TPTE: variants seen among roughly 807,000 people sequenced by gnomAD.
The protein encoded by TPTE is transmembrane phosphatase with tensin homology.
Under a neutral mutation model 84.1 loss-of-function variants are expected in TPTE, and 59 were observed. That is an observed-to-expected ratio of 0.70 (90% confidence interval 0.57 to 0.87). The LOEUF (loss-of-function observed/expected upper bound fraction) is 0.87, where lower values mean the gene tolerates loss of function less well. Ranked by LOEUF, TPTE falls within the 40% of genes least tolerant of loss-of-function variation. The probability of loss-of-function intolerance (pLI) is 0.00; values close to 1 mark genes in which losing one functional copy is unlikely to be tolerated. For synonymous variants in TPTE, 130 were observed against 223.5 expected (o/e 0.58, Z 3.73); for missense variants, 382 against 659.6 (o/e 0.58, Z 4.61).
chr21:10,557,631 C>G (rs1373151221), intron 8 of TPTE, among the ~76,000 whole-genome samples: 1 of 152,308 alleles, frequency 6.6e-6, no homozygotes, highest in African/African-American at 2.4e-5. Flanking sequence ...CCTTAACTCT[C>G]CAAGCCTGGG....
intron 10 of TPTE, among the ~76,000 whole-genome samples, chr21:10,564,194 C>T (rs2074867505): frequency 6.6e-6 from 1 of 152,402 alleles, no homozygotes; most frequent in Admixed American, 6.5e-5. Context: ...CTGTTGCCTA[C>T]AGGAAACACT....
chr21:10,530,447 A>G (rs1189268142), intron 3 of TPTE, among the ~76,000 whole-genome samples: 1 of 152,312 alleles, frequency 6.6e-6, no homozygotes, highest in Non-Finnish European at 1.5e-5. Context: ...CTTAAATGGT[A>G]TTAAGTTGTA....
intron 14 of TPTE, among the ~76,000 whole-genome samples, 156 bp downstream of exon 14, chr21:10,570,705 C>T (rs1221405808): frequency 6.6e-6 from 1 of 152,306 alleles, no homozygotes; most frequent in Non-Finnish European, 1.5e-5. Flanking sequence ...ACAGTTGTGC[C>T]AGTGGTTACA....
chr21:10,566,156 CT>C (rs1282777268), intron 10 of TPTE, among the ~76,000 whole-genome samples: 10 of 152,304 alleles, frequency 6.6e-5, no homozygotes, highest in Non-Finnish European at 1.3e-4. Context: ...TCAAACAACT[CT>C]CTAGGAAAAA....
intron 7 of TPTE, 89 bp downstream of exon 7, chr21:10,543,471 A>G (rs1392627687): frequency 3.1e-6 from 5 of 1,602,288 alleles, no homozygotes; most frequent in Admixed American, 1.7e-5. Context: ...ATATCCATCC[A>G]TCTTCATCCA....
chr21:10,596,976 C>T (rs201670413), intron 20 of TPTE, among the ~76,000 whole-genome samples: 1,844 of 150,206 alleles, frequency 0.012, no homozygotes, highest in East Asian at 0.12. Context: ...TAAATGAAAA[C>T]AAACAGCATA....
intron 3 of TPTE, among the ~76,000 whole-genome samples, chr21:10,533,352 T>G (rs1210916238): frequency 1.2e-3 from 181 of 152,372 alleles, no homozygotes; most frequent in Non-Finnish European, 2.3e-3. Context: ...TTGTGTCCTC[T>G]TATCCTTAAG....
intron 7 of TPTE, among the ~76,000 whole-genome samples, chr21:10,548,995 T>C (rs1600883601): frequency 6.6e-6 from 1 of 152,312 alleles, no homozygotes; most frequent in East Asian, 1.9e-4. Context: ...ACCCACTCTA[T>C]GCCTGCACAC....
chr21:10,575,203 A>G lies in TPTE; in HGVS notation c.796-2257A>G, dbSNP rs539659358. 3.9e-5 allele frequency among the ~76,000 whole-genome samples: 6 copies of G among 152,422 alleles called. No individual in the cohort carries two copies. The East Asian group carries it at 9.6e-4, about 24-fold the overall frequency. On this transcript the variant is annotated intron_variant, in intron 14 of 23. Coordinates refer to ENST00000618007, the MANE Select transcript of TPTE (RefSeq NM_199261.4). The stretch of plus-strand genomic sequence containing the variant: ...TATGGAGAATACAGACAGTCTGGAC[A>G]AGGAAGAGTTCCCCACGACACAGCA...
chr21:10,580,999 C>A (rs1304657663), intron 17 of TPTE, among the ~76,000 whole-genome samples: 1 of 152,308 alleles, frequency 6.6e-6, no homozygotes, highest in Admixed American at 6.5e-5. Context: ...TTTTAGTGGG[C>A]TCTAAATCAA....
chr21:10,558,678 G>A (rs968866269), intron 8 of TPTE, among the ~76,000 whole-genome samples: 1 of 152,306 alleles, frequency 6.6e-6, no homozygotes, highest in Admixed American at 6.5e-5. Context: ...GGCTCTTGGG[G>A]TGGAATTTGA....
intron 3 of TPTE, among the ~76,000 whole-genome samples, chr21:10,534,655 G>A (rs1455516242): frequency 6.6e-6 from 1 of 152,302 alleles, no homozygotes; most frequent in African/African-American, 2.4e-5. Flanking sequence ...CTATAATGGA[G>A]CCATCAGTGA....
chr21:10,534,624 A>G (rs1238565172), intron 3 of TPTE, among the ~76,000 whole-genome samples: 1 of 152,312 alleles, frequency 6.6e-6, no homozygotes, highest in South Asian at 2.1e-4. Context: ...TCCTCAGTGA[A>G]AGTGAAATGA....
At chr21:10,542,247 A>G (rs531936368) in intron 5 of TPTE, 148 bp from the exon 6 acceptor site, 4 of 1,007,972 alleles carry the variant, frequency 4.0e-6, no homozygotes, top group Non-Finnish European at 5.9e-6. Flanking sequence ...AATAAAGAGG[A>G]AAAGACATTC....
chr21:10,547,914 C>G (rs575820445), intron 7 of TPTE, among the ~76,000 whole-genome samples: 1 of 152,424 alleles, frequency 6.6e-6, no homozygotes, highest in East Asian at 1.9e-4. Context: ...TGCCCTCTCC[C>G]AAGTGGGAGA....
intron 4 of TPTE, chr21:10,540,868 GTGTAGATACCCTTACT>G: frequency 1.5e-6 from 1 of 651,530 alleles, no homozygotes; most frequent in South Asian, 1.4e-5. Flanking sequence ...ACACCTTGAG[GTGTAGATACCCTTACT>G]TAATCTGCAT....
chr21:10,539,354 G>C (rs1236611368), intron 4 of TPTE, among the ~76,000 whole-genome samples: 1 of 152,308 alleles, frequency 6.6e-6, no homozygotes, highest in East Asian at 1.9e-4. Context: ...CACCTCATTG[G>C]ATGCAGCCGT....
At chr21:10,565,535 C>T (rs559423932) in intron 10 of TPTE, among the ~76,000 whole-genome samples, 21 of 152,418 alleles carry the variant, frequency 1.4e-4, no homozygotes, top group African/African-American at 5.0e-4. Flanking sequence ...CCACAAAAGA[C>T]CCAGAATAGC....
intron 10 of TPTE, among the ~76,000 whole-genome samples, chr21:10,563,294 A>C (rs1342454748): frequency 6.6e-6 from 1 of 152,310 alleles, no homozygotes; most frequent in South Asian, 2.1e-4. Context: ...ATTAATGAGC[A>C]ATAAGTAACA....
Sources: gnomAD v4.1 joint callset for allele counts (sites outside exome capture counted in the v4.1 genomes callset) on GRCh38, gnomAD v4.1.1 for gene constraint, MANE v1.5 for transcripts, NCBI Gene and HGNC (gene_info 2026-07-23, HGNC 2026-07-21) for gene names.